Variants in GLRA1 observed in about 807,000 individuals in gnomAD.
GLRA1 encodes the protein glycine receptor alpha 1.
A neutral mutation model predicts 48.3 loss-of-function variants in GLRA1; 37 were observed. The ratio of observed to expected loss-of-function variants is 0.77; its 90% CI spans 0.59 to 1.01. The LOEUF (loss-of-function observed/expected upper bound fraction) is 1.01, where lower values mean the gene tolerates loss of function less well. Among genes scored for constraint, GLRA1 ranks in the 50% least tolerant of loss-of-function variants. GLRA1 has a pLI of 0.00. For synonymous variants in GLRA1, 196 were observed against 210.7 expected (o/e 0.93, Z 0.60); for missense variants, 427 against 571.0 (o/e 0.75, Z 2.57).
intron 4 of GLRA1, 40 bp from the exon 5 acceptor site, chr5:151,856,423 C>G (rs767062810): frequency 3.8e-6 from 5 of 1,304,188 alleles, no homozygotes; most frequent in Admixed American, 1.7e-5. Flanking sequence ...AGGATCTGCA[C>G]ATCAGGGAGG....
intron 7 of GLRA1, among the ~76,000 whole-genome samples, chr5:151,845,222 C>T (rs1225707082): frequency 4.6e-5 from 7 of 152,042 alleles, no homozygotes; most frequent in Non-Finnish European, 2.9e-5. Flanking sequence ...GGACCCTTCT[C>T]CAATGTTGGG....
At chr5:151,854,303 G>C (rs1401767193) in intron 6 of GLRA1, among the ~76,000 whole-genome samples, 2 of 152,214 alleles carry the variant, frequency 1.3e-5, no homozygotes, top group Non-Finnish European at 2.9e-5. Context: ...TTACACCAGA[G>C]CCTACGATGG....
At chr5:151,840,043 G>GA (rs1043801541) in intron 7 of GLRA1, among the ~76,000 whole-genome samples, 1 of 150,426 alleles carries the variant, frequency 6.6e-6, no homozygotes, top group Non-Finnish European at 1.5e-5. Context: ...AAAATAACTG[G>GA]AAAAAAATAG....
intron 3 of GLRA1, among the ~76,000 whole-genome samples, chr5:151,865,433 G>C (rs1360551401): frequency 1.3e-5 from 2 of 152,180 alleles, no homozygotes; most frequent in Non-Finnish European, 2.9e-5. Context: ...TAGAGGTAAA[G>C]CAAGAGTGTG....
In GLRA1 at chr5:151,829,007, C is replaced by T. The variant is rs1381930137; in HGVS notation, c.973G>A (p.Ala325Thr). ...TTAACGGCAGCATATTCTAATAGGGCTGAGAACACAAAGAGCAGGCAAACT... is the reference window on the plus strand; with the variant it reads ...TTAACGGCAGCATATTCTAATAGGGTTGAGAACACAAAGAGCAGGCAAACT... ...MAVCLLFVFSALLEYAAVNFV... is the reference protein window; with the variant it reads ...MAVCLLFVFSTLLEYAAVNFV... The change falls in exon 8 of 9, where the codon GCC (alanine) becomes ACC (threonine). Residue 325 changes from alanine (A) to threonine (T), a missense_variant. Coordinates refer to ENST00000274576, the MANE Select transcript of GLRA1 (RefSeq NM_000171.4). 3.7e-6 allele frequency: 6 copies of T among 1,613,970 alleles called. No homozygotes were observed. In the Admixed American group the frequency reaches 1.0e-4, roughly 27 times the overall value.
chr5:151,877,341 A>T (rs981309757), intron 3 of GLRA1, among the ~76,000 whole-genome samples: 4 of 152,176 alleles, frequency 2.6e-5, no homozygotes, highest in Non-Finnish European at 5.9e-5. Flanking sequence ...GATTTTGGGG[A>T]TTTGTTAATG....
intron 3 of GLRA1, among the ~76,000 whole-genome samples, chr5:151,873,609 G>A (rs1004983945): frequency 2.7e-5 from 4 of 150,382 alleles, no homozygotes; most frequent in African/African-American, 9.8e-5. Context: ...GCAGTGAGCC[G>A]AGATTGAGAT....
chr5:151,913,778 A>G (rs1754674403), intron 1 of GLRA1, among the ~76,000 whole-genome samples: 2 of 152,166 alleles, frequency 1.3e-5, no homozygotes, highest in African/African-American at 4.8e-5. Flanking sequence ...GGGTGATCCT[A>G]GGAAAATGAT....
intron 7 of GLRA1, among the ~76,000 whole-genome samples, chr5:151,830,399 A>G (rs1281978122): frequency 5.3e-5 from 8 of 152,232 alleles, no homozygotes; most frequent in Non-Finnish European, 1.0e-4. Context: ...AAGCTGAAAA[A>G]GAAAAGCTGG....
At chr5:151,829,477 T>G (rs1383952603) in intron 7 of GLRA1, among the ~76,000 whole-genome samples, 1 of 152,172 alleles carries the variant, frequency 6.6e-6, no homozygotes, top group African/African-American at 2.4e-5. Context: ...TGGAAAAAAT[T>G]GTCAGTGCCA....
At chr5:151,830,530 G>C (rs766681641) in intron 7 of GLRA1, among the ~76,000 whole-genome samples, 11 of 152,170 alleles carry the variant, frequency 7.2e-5, no homozygotes, top group Non-Finnish European at 1.3e-4. Context: ...TCTCACCTTT[G>C]GCTAACCTTG....
Position 151,849,245 on chromosome 5 carries a change from C to T in GLRA1, c.912+2145G>A, listed in dbSNP as rs141837229. ...TCCTTCCTTCCTTCCTTCCTTCCTT[C>T]CTTCCCTTCTTTCTTTCTCTCTCTC... On this transcript the variant is annotated intron_variant, in intron 7 of 8. Coordinates refer to ENST00000274576, the MANE Select transcript of GLRA1 (RefSeq NM_000171.4). Among the ~76,000 whole-genome samples the T allele has an allele frequency of 1.3e-3, 117 of 90,504 alleles. 8 individuals are homozygous for T. The East Asian group carries it at 0.029, about 23-fold the overall frequency. The allele number at this position is 90,504 out of a possible 152,430, so 59.4% of individuals were successfully genotyped here.
chr5:151,900,772 A>G (rs12109918), intron 1 of GLRA1, among the ~76,000 whole-genome samples: 1,615 of 152,272 alleles, frequency 0.011, 30 homozygotes, highest in African/African-American at 0.037. Context: ...CAGCTCTGTA[A>G]CCTTCCTTTT....
intron 1 of GLRA1, among the ~76,000 whole-genome samples, chr5:151,914,331 G>T (rs1372974391): frequency 1.3e-5 from 2 of 152,292 alleles, no homozygotes; most frequent in African/African-American, 2.4e-5. Context: ...CCCTTGCCTT[G>T]TCTGGGCTGG....
chr5:151,842,835 T>C (rs1337193860), intron 7 of GLRA1, among the ~76,000 whole-genome samples: 1 of 152,188 alleles, frequency 6.6e-6, no homozygotes, highest in African/African-American at 2.4e-5. Flanking sequence ...CATGGTCTTG[T>C]ATAAAGAAAA....
chr5:151,915,222 G>T (rs954640614), intron 1 of GLRA1, among the ~76,000 whole-genome samples: 4 of 152,136 alleles, frequency 2.6e-5, no homozygotes, highest in African/African-American at 4.8e-5. Flanking sequence ...CTCAATAAAT[G>T]CTAATGATTA....
At chr5:151,877,769 A>G (rs1753661877) in intron 3 of GLRA1, among the ~76,000 whole-genome samples, 1 of 152,184 alleles carries the variant, frequency 6.6e-6, no homozygotes, top group South Asian at 2.1e-4. Context: ...GCCATGTGAG[A>G]CATGCCTTTC....
At chr5:151,910,587 A>C (rs1016788730) in intron 1 of GLRA1, among the ~76,000 whole-genome samples, 1 of 152,162 alleles carries the variant, frequency 6.6e-6, no homozygotes, top group Non-Finnish European at 1.5e-5. Context: ...ACTTTTCTGC[A>C]TGGAATGAGG....
At chr5:151,915,449 A>C (rs1448469232) in intron 1 of GLRA1, among the ~76,000 whole-genome samples, 3 of 152,150 alleles carry the variant, frequency 2.0e-5, no homozygotes, top group Non-Finnish European at 4.4e-5. Flanking sequence ...TAATTATTGC[A>C]GCACTGATTG....
Sources: gnomAD v4.1 joint callset for allele counts (sites outside exome capture counted in the v4.1 genomes callset) on GRCh38, gnomAD v4.1.1 for gene constraint, MANE v1.5 for transcripts, NCBI Gene and HGNC (gene_info 2026-07-23, HGNC 2026-07-21) for gene names.